The following ATG7 variants were observed in gnomAD, a reference collection of about 807,000 sequenced individuals.
ATG7 encodes ubiquitin-like modifier-activating enzyme ATG7.
In ATG7, 70 loss-of-function variants were observed where a neutral mutation model predicts 82.4. The ratio of observed to expected loss-of-function variants is 0.85; its 90% CI spans 0.70 to 1.04. The LOEUF (loss-of-function observed/expected upper bound fraction) is 1.04, where lower values mean the gene tolerates loss of function less well. Among genes scored for constraint, ATG7 ranks in the 50% least tolerant of loss-of-function variants. The pLI is 0.00. For synonymous variants in ATG7, 287 were observed against 313.0 expected, an observed-to-expected ratio of 0.92 and a Z score of 0.88; for missense variants, 792 against 864.3, an observed-to-expected ratio of 0.92 and a Z score of 1.05.
intron 20 of ATG7, among the ~76,000 whole-genome samples, chr3:11,443,175 G>C (rs1397489663): frequency 6.6e-6 from 1 of 152,102 alleles, no homozygotes; most frequent in Non-Finnish European, 1.5e-5. Context: ...ACTTCTGTGT[G>C]GGGCGTGCTC....
intron 11 of ATG7, among the ~76,000 whole-genome samples, chr3:11,340,181 A>T (rs892837241): frequency 1.3e-5 from 2 of 152,206 alleles, no homozygotes; most frequent in African/African-American, 2.4e-5. Context: ...ACAGGTACAG[A>T]AGGGACATAC....
intron 19 of ATG7, among the ~76,000 whole-genome samples, chr3:11,416,779 T>G (rs906086413): frequency 6.6e-6 from 1 of 152,208 alleles, no homozygotes; most frequent in Non-Finnish European, 1.5e-5. Context: ...TTACCTAAGG[T>G]GTAAGATCAG....
intron 20 of ATG7, among the ~76,000 whole-genome samples, chr3:11,550,986 A>G (rs1242666755): frequency 6.6e-6 from 1 of 152,100 alleles, no homozygotes; most frequent in African/African-American, 2.4e-5. Context: ...CATGCGGGGT[A>G]AGGCATGGAA....
intron 1 of ATG7, among the ~76,000 whole-genome samples, chr3:11,276,869 C>T (rs768944322): frequency 5.3e-5 from 8 of 152,112 alleles, no homozygotes; most frequent in Admixed American, 3.3e-4. Flanking sequence ...TATCATAGCC[C>T]GAATCTCTCC....
intron 1 of ATG7, among the ~76,000 whole-genome samples, chr3:11,275,944 C>G (rs1941685940): frequency 6.6e-6 from 1 of 152,156 alleles, no homozygotes; most frequent in Admixed American, 6.5e-5. Context: ...AATCCTCTTT[C>G]CTTGAGGACT....
rs78668498 is a variant in ATG7 at position 11,424,769 on chromosome 3, T to C, written c.1957-2035T>C. Among the ~76,000 whole-genome samples, 22 of 152,314 alleles carry C rather than the reference T, an allele frequency of 1.4e-4. No individual in the cohort carries two copies. The East Asian group carries it at 4.2e-3, about 29-fold the overall frequency. ...TGTATTTGCATTCTGCCAGAGATATTCTTCCATAGATGATACATGCATAAA... is the reference window on the plus strand; with the variant it reads ...TGTATTTGCATTCTGCCAGAGATATCCTTCCATAGATGATACATGCATAAA... On this transcript the variant is annotated intron_variant, in intron 19 of 20. Coordinates refer to ENST00000693202, the MANE Select transcript of ATG7 (RefSeq NM_001349232.2).
chr3:11,441,783 C>T (rs1206413248), intron 20 of ATG7, among the ~76,000 whole-genome samples: 1 of 151,454 alleles, frequency 6.6e-6, no homozygotes, highest in Non-Finnish European at 1.5e-5. Context: ...TCTCCTGCCT[C>T]AGCCTCCCAA....
At chr3:11,315,244 T>C (rs570171581) in intron 8 of ATG7, 100 bp from the exon 9 acceptor site, 23 of 1,108,676 alleles carry the variant, frequency 2.1e-5, no homozygotes, top group African/African-American at 3.2e-5. Flanking sequence ...CAGTCATTTC[T>C]AGTCTTCTGG....
intron 7 of ATG7, among the ~76,000 whole-genome samples, chr3:11,310,393 C>T (rs1428608921): frequency 6.6e-6 from 1 of 152,142 alleles, no homozygotes; most frequent in Non-Finnish European, 1.5e-5. Flanking sequence ...CGACCTCCCA[C>T]CGTTCCTCCT....
chr3:11,421,147 T>C (rs1342864803), intron 19 of ATG7, among the ~76,000 whole-genome samples: 1 of 152,206 alleles, frequency 6.6e-6, no homozygotes, highest in Non-Finnish European at 1.5e-5. Context: ...TGCATTGATA[T>C]TGATGGTGGC....
intron 20 of ATG7, among the ~76,000 whole-genome samples, chr3:11,499,394 T>C (rs1360196665): frequency 6.6e-6 from 1 of 152,150 alleles, no homozygotes; most frequent in Non-Finnish European, 1.5e-5. Context: ...TGACCCACCT[T>C]GATCTAGTGG....
chr3:11,565,518 G>A, the ATG7 span, among the ~76,000 whole-genome samples: 2 of 152,172 alleles, frequency 1.3e-5, no homozygotes, highest in Non-Finnish European at 2.9e-5. This position sits in a 1 kb window ranked among gnomAD's most constrained non-coding sequence, Gnocchi z 4.1. Flanking sequence ...AGCAGGCAAT[G>A]CTGCCACCAT....
At chr3:11,375,318 T>TA (rs1290762581) in intron 18 of ATG7, among the ~76,000 whole-genome samples, 1 of 152,154 alleles carries the variant, frequency 6.6e-6, no homozygotes, top group Non-Finnish European at 1.5e-5. Context: ...TACAGCAATT[T>TA]AAAAAATGTT....
chr3:11,521,202 T>C (rs2092432145), intron 20 of ATG7, among the ~76,000 whole-genome samples: 1 of 152,012 alleles, frequency 6.6e-6, no homozygotes, highest in African/African-American at 2.4e-5. Context: ...TTGGTTGCCA[T>C]AGGCAGCCAT....
intron 20 of ATG7, among the ~76,000 whole-genome samples, chr3:11,549,285 T>G (rs1288284453): frequency 6.6e-6 from 1 of 152,212 alleles, no homozygotes; most frequent in African/African-American, 2.4e-5. Context: ...GTGTAAGGTA[T>G]CTTTATATCA....
At chr3:11,299,258 C>T (rs570022354) in intron 4 of ATG7, 104 bp from the exon 5 acceptor site, 42 of 1,101,262 alleles carry the variant, frequency 3.8e-5, no homozygotes, top group Admixed American at 2.5e-4. Context: ...TTGGATGGGG[C>T]GCCTTGGGCT....
chr3:11,292,820 A>G (rs1485748484), intron 3 of ATG7, among the ~76,000 whole-genome samples: 1 of 146,554 alleles, frequency 6.8e-6, no homozygotes, highest in African/African-American at 2.5e-5. Context: ...CTTCCTCTAT[A>G]AAATTGGAGC....
chr3:11,429,961 A>AG (rs1174968368), intron 20 of ATG7, among the ~76,000 whole-genome samples: 1 of 151,550 alleles, frequency 6.6e-6, no homozygotes, highest in Non-Finnish European at 1.5e-5. Context: ...AAAAAAAAAA[A>AG]AAAAAAATTC....
intron 20 of ATG7, among the ~76,000 whole-genome samples, chr3:11,520,723 T>C (rs963160337): frequency 2.0e-5 from 3 of 152,252 alleles, no homozygotes; most frequent in Admixed American, 2.0e-4. Context: ...ACAGTCATTC[T>C]GTGGATCTGG....
Sources: gnomAD v4.1 joint callset for allele counts (sites outside exome capture counted in the v4.1 genomes callset) on GRCh38, gnomAD v4.1.1 for gene constraint, Gnocchi (gnomAD v3.1) non-coding constraint, MANE v1.5 for transcripts, NCBI Gene and HGNC (gene_info 2026-07-23, HGNC 2026-07-21) for gene names.